The following ABCB7 variants were observed in gnomAD, a reference collection of about 807,000 sequenced individuals.
ABCB7 encodes the protein ATP binding cassette subfamily B member 7.
In ABCB7, 7 loss-of-function variants were observed where a neutral mutation model predicts 54.4. The observed-to-expected ratio is 0.13, with a 90% CI of 0.07 to 0.24. ABCB7 has a LOEUF of 0.24. Among genes scored for constraint, ABCB7 ranks in the 10% least tolerant of loss-of-function variants. The pLI is 1.00. For synonymous variants in ABCB7, 218 were observed against 207.1 expected, an observed-to-expected ratio of 1.05 and a Z score of -0.45; for missense variants, 356 against 570.4, an observed-to-expected ratio of 0.62 and a Z score of 3.83.
chrX:75,098,924 CAA>C lies in ABCB7; in HGVS notation c.453+16_453+17del. 3 of 1,210,971 alleles carry C rather than the reference CAA, an allele frequency of 2.5e-6. No homozygotes were observed. The highest frequency in any genetic ancestry group is 3.4e-6 in the Non-Finnish European group (3 of 894,900). ...GTATTTCTTAGTTAGAGCAACCAAA[CAA>C]TGCATAATTTCTTACCTTTGCACCA... On this transcript the variant is annotated intron_variant, in intron 4 of 15. Coordinates refer to ENST00000373394, the MANE Select transcript of ABCB7 (RefSeq NM_001271696.3).
intron 5 of ABCB7, 92 bp from the exon 6 acceptor site, chrX:75,075,722 A>G: frequency 1.1e-6 from 1 of 875,375 alleles, no homozygotes; most frequent in Non-Finnish European, 1.6e-6. Context: ...TGTTTGTACA[A>G]TGAGTAATTC....
At position 75,114,888 on chromosome X, in the gene ABCB7, A is replaced by C. The variant is rs973142796; in HGVS notation, c.169-57T>G. ...TTCAGAGTGGACACTTAATATTCAA[A>C]GATTATTTCCTTTGTTCATAAACAT... On this transcript the variant is annotated intron_variant, in intron 1 of 15. Coordinates refer to ENST00000373394, the MANE Select transcript of ABCB7 (RefSeq NM_001271696.3). The C allele has an allele frequency of 9.7e-6, 9 of 929,066 alleles. No homozygotes were observed. The African/African-American group carries it at 1.8e-4, about 18-fold the overall frequency. 76.6% of individuals were successfully genotyped at this position (929,066 alleles called of 1,213,427 possible). A position where few individuals can be genotyped will look rare whatever the true frequency, so the allele number is the denominator to read the frequency against.
chrX:75,078,120 G>A (rs2081425635), intron 4 of ABCB7, among the ~76,000 whole-genome samples: 1 of 109,659 alleles, frequency 9.1e-6, no homozygotes, highest in Admixed American at 9.8e-5. Flanking sequence ...CACCATGTTG[G>A]TCAGGTTGGT....
In ABCB7 at chrX:75,156,226, G is replaced by C. The variant is rs2082176366; in HGVS notation, c.47C>G (p.Ala16Gly). Residue 16 changes from alanine to glycine, a missense_variant, in exon 1 of 16, where the codon GCT becomes GGT. Physicochemically the swap from Ala to Gly is moderately conservative, Grantham distance 60 (BLOSUM62 0). Around this residue, in one of 2 missense-constraint regions of ABCB7, gnomAD observed 115 missense variants for 99.5 expected, o/e 1.16. Coordinates refer to ENST00000373394, the MANE Select transcript of ABCB7 (RefSeq NM_001271696.3). ...MHSWRWAAAA[A>G]AFEKRRHSAI... is the part of the protein sequence containing the mutation. ...GGAGTGCCGGCGCTTTTCGAAAGCA[G>C]CCGCCGCGGCCGCCCAGCGCCAAGA... The C allele has an allele frequency of 3.3e-6, 4 of 1,203,752 alleles. No homozygotes were observed. Among genetic ancestry groups the C allele is most frequent in the Non-Finnish European group, 4.5e-6 (4 of 891,814 alleles).
chrX:75,089,879 T>C (rs1210519104), intron 4 of ABCB7, among the ~76,000 whole-genome samples: 3 of 110,580 alleles, frequency 2.7e-5, no homozygotes, highest in African/African-American at 9.8e-5. Context: ...TAATGAATTA[T>C]ATGTAAACGG....
chrX:75,115,696 C>T (rs754957879), intron 1 of ABCB7, among the ~76,000 whole-genome samples: 8 of 108,333 alleles, frequency 7.4e-5, no homozygotes, highest in Non-Finnish European at 1.9e-5. Flanking sequence ...CTAAGTCCCC[C>T]AACCAACTGA....
intron 1 of ABCB7, among the ~76,000 whole-genome samples, chrX:75,143,453 G>T (rs1472552992): frequency 9.0e-6 from 1 of 111,438 alleles, no homozygotes; most frequent in Non-Finnish European, 1.9e-5. Flanking sequence ...ACATTTTCCT[G>T]TCTTCTTCTG....
In ABCB7 at chrX:75,074,834, T is replaced by C. The variant is rs575430718; in HGVS notation, c.855+528A>G. Among the ~76,000 whole-genome samples the C allele has an allele frequency of 6.3e-5, 7 of 110,856 alleles. No homozygotes were observed. The South Asian group carries it at 2.3e-3, about 37-fold the overall frequency. On this transcript the variant is annotated intron_variant, in intron 6 of 15. Transcript: ENST00000373394. ...TGAGGGGAATGGACACTGGGGCCTATTGAGGGTGGAGGGTGGCAGATGAGT... is the reference window on the plus strand; with the variant it reads ...TGAGGGGAATGGACACTGGGGCCTACTGAGGGTGGAGGGTGGCAGATGAGT...
At chrX:75,093,475 T>C (rs991744920) in intron 4 of ABCB7, among the ~76,000 whole-genome samples, 2 of 111,130 alleles carry the variant, frequency 1.8e-5, no homozygotes, top group Non-Finnish European at 3.8e-5. Flanking sequence ...GAAACTATTC[T>C]ATATGATATC....
intron 1 of ABCB7, among the ~76,000 whole-genome samples, chrX:75,143,224 A>C: frequency 9.0e-6 from 1 of 111,433 alleles, no homozygotes; most frequent in Middle Eastern, 4.6e-3. Flanking sequence ...GCCCTAAATC[A>C]TCTCTCTCAA....
chrX:75,081,599 A>T (rs2081456079), intron 4 of ABCB7, among the ~76,000 whole-genome samples: 1 of 112,349 alleles, frequency 8.9e-6, no homozygotes, highest in African/African-American at 3.2e-5. Context: ...TCTTAGGAAC[A>T]GGAAGTTTGT....
chrX:75,095,702 A>G (rs2081584875), intron 4 of ABCB7, among the ~76,000 whole-genome samples: 1 of 112,579 alleles, frequency 8.9e-6, no homozygotes, highest in Admixed American at 9.4e-5. Context: ...TTCAAAAGAA[A>G]TCAAACATTC....
At chrX:75,065,897 C>G (rs2081314218) in intron 12 of ABCB7, among the ~76,000 whole-genome samples, 1 of 111,199 alleles carries the variant, frequency 9.0e-6, no homozygotes, top group Non-Finnish European at 1.9e-5. Flanking sequence ...GTGCCAGTTC[C>G]TCATATACTC....
rs1344889121 is a variant in ABCB7 at position 75,075,469 on chromosome X, A to T, written c.748T>A (p.Ser250Thr). ...FHLSRQTGAL[S>T]KAIDRGTRGI... ...CTTGTTCCTCTGTCAATAGCCTTAG[A>T]TAAAGCTCCCGTCTGTCTGCTCAGG... The change falls in exon 6 of 16, where the codon TCT becomes ACT. Residue 250 changes from serine to threonine, a missense_variant. Around this residue, in one of 2 missense-constraint regions of ABCB7, gnomAD observed 241 missense variants for 470.9 expected, o/e 0.51. Transcript: ENST00000373394. The T allele has an allele frequency of 3.3e-6, 4 of 1,211,575 alleles. No individual in the cohort carries two copies. In the Admixed American group the frequency reaches 6.5e-5, roughly 20 times the overall value.
chrX:75,119,498 T>C (rs2081855549), intron 1 of ABCB7, among the ~76,000 whole-genome samples: 2 of 112,287 alleles, frequency 1.8e-5, no homozygotes, highest in African/African-American at 6.5e-5. Context: ...TTGTAAAGGG[T>C]TATAAAAGGT....
At chrX:75,148,422 T>A (rs1468499697) in intron 1 of ABCB7, among the ~76,000 whole-genome samples, 1 of 108,062 alleles carries the variant, frequency 9.3e-6, no homozygotes, top group Non-Finnish European at 1.9e-5. Flanking sequence ...GACTGGAGTA[T>A]ATCTTTCCAA....
chrX:75,151,498 C>T (rs1268815490), intron 1 of ABCB7, among the ~76,000 whole-genome samples: 3 of 111,497 alleles, frequency 2.7e-5, no homozygotes, highest in African/African-American at 9.8e-5. Flanking sequence ...TTTTCTATTC[C>T]TACTCTTAGA....
intron 1 of ABCB7, among the ~76,000 whole-genome samples, chrX:75,118,313 G>A (rs1453930561): frequency 2.7e-5 from 3 of 111,002 alleles, no homozygotes; most frequent in African/African-American, 9.8e-5. Flanking sequence ...TCCTTTCTCT[G>A]AGCACCTGTG....
chrX:75,152,545 A>G (rs1038634033), intron 1 of ABCB7, among the ~76,000 whole-genome samples: 14 of 112,742 alleles, frequency 1.2e-4, no homozygotes. Flanking sequence ...ATTATTTCTC[A>G]TATGCACATT....
Sources: gnomAD v4.1 joint callset for allele counts (sites outside exome capture counted in the v4.1 genomes callset) on GRCh38, gnomAD v4.1.1 for gene constraint, gnomAD v4.1.1 regional missense constraint, MANE v1.5 for transcripts, NCBI Gene and HGNC (gene_info 2026-07-23, HGNC 2026-07-21) for gene names.